The following COG5 variants were observed in gnomAD, a reference collection of about 807,000 sequenced individuals.
COG5 encodes conserved oligomeric Golgi complex subunit 5.
COG5 carries 86 observed loss-of-function variants against 110.4 expected under a neutral mutation model. The observed-to-expected ratio is 0.78, with a 90% CI of 0.65 to 0.93. COG5 has a LOEUF of 0.93. Among genes scored for constraint, COG5 ranks in the 40% least tolerant of loss-of-function variants. The pLI, the probability that COG5 is intolerant of heterozygous loss-of-function variation, is 0.00. For missense variants in COG5, 1,077 were observed against 987.0 expected (o/e 1.09, Z -1.22); for synonymous variants, 360 against 334.6 (o/e 1.08, Z -0.83).
intron 3 of COG5, among the ~76,000 whole-genome samples, 174 bp downstream of exon 3, chr7:107,554,111 A>G (rs1455544693): frequency 6.6e-6 from 1 of 152,204 alleles, no homozygotes; most frequent in African/African-American, 2.4e-5. Flanking sequence ...AGCCACACAC[A>G]TTTGTTTTCA....
intron 10 of COG5, among the ~76,000 whole-genome samples, chr7:107,356,289 T>A (rs1057018907): frequency 6.6e-6 from 1 of 152,252 alleles, no homozygotes; most frequent in Non-Finnish European, 1.5e-5. Context: ...AATATATTCT[T>A]AATTTTCCTA....
At chr7:107,239,076 A>C (rs1281212654) in intron 17 of COG5, among the ~76,000 whole-genome samples, 1 of 151,954 alleles carries the variant, frequency 6.6e-6, no homozygotes, top group African/African-American at 2.4e-5. Flanking sequence ...TGTTTTCTTA[A>C]ATTTGTTTTA....
chr7:107,219,665 T>C (rs995085747), intron 19 of COG5, among the ~76,000 whole-genome samples: 1 of 152,120 alleles, frequency 6.6e-6, no homozygotes, highest in African/African-American at 2.4e-5. Context: ...AGAATGGTAG[T>C]TACCAGAGGC....
intron 6 of COG5, among the ~76,000 whole-genome samples, chr7:107,507,836 C>G (rs554502444): frequency 6.6e-6 from 1 of 152,300 alleles, no homozygotes; most frequent in South Asian, 2.1e-4. Context: ...TAAACTACCC[C>G]TCTCTTCCAC....
At chr7:107,243,739 C>T (rs1247918907) in intron 17 of COG5, among the ~76,000 whole-genome samples, 1 of 152,128 alleles carries the variant, frequency 6.6e-6, no homozygotes, top group East Asian at 1.9e-4. Flanking sequence ...CACCACGTCA[C>T]ATACACTAAT....
intron 21 of COG5, chr7:107,208,908 C>T: frequency 3.0e-6 from 3 of 985,432 alleles, no homozygotes; most frequent in Non-Finnish European, 3.6e-6. Flanking sequence ...GAAATATGAC[C>T]CACTATGGCA....
At chr7:107,230,232 C>T (rs1430806593) in intron 19 of COG5, among the ~76,000 whole-genome samples, 1 of 152,096 alleles carries the variant, frequency 6.6e-6, no homozygotes, top group African/African-American at 2.4e-5. Flanking sequence ...CTGTTAGAAG[C>T]AGACTGGGTT....
In COG5 at chr7:107,547,440, T is replaced by G. The variant is rs111282162; in HGVS notation, c.417+671A>C. On this transcript the variant is annotated intron_variant, in intron 5 of 21. Coordinates refer to ENST00000297135, the MANE Select transcript of COG5 (RefSeq NM_006348.5). ...TAATCAACAGTGAAAAGTTGAAAGC[T>G]TTTCCTCTAAGATCAGGAACAAAAC... 6.6e-5 allele frequency among the ~76,000 whole-genome samples: 10 copies of G among 152,252 alleles called. 3 individuals carry two copies. The highest frequency in any genetic ancestry group is 2.4e-4 in the African/African-American group (10 of 41,546).
At chr7:107,387,835 T>A (rs1176867269) in intron 7 of COG5, among the ~76,000 whole-genome samples, 1 of 152,264 alleles carries the variant, frequency 6.6e-6, no homozygotes, top group African/African-American at 2.4e-5. Flanking sequence ...CTCAGCTTAC[T>A]CTGTTTATTT....
intron 5 of COG5, among the ~76,000 whole-genome samples, chr7:107,545,792 A>G (rs1373799161): frequency 6.6e-6 from 1 of 151,144 alleles, no homozygotes; most frequent in Non-Finnish European, 1.5e-5. Flanking sequence ...AAAAAAAAAA[A>G]AAAAAAAGAA....
At chr7:107,324,386 G>T in intron 11 of COG5, 54 bp downstream of exon 11, 2 of 1,169,542 alleles carry the variant, frequency 1.7e-6, no homozygotes, top group South Asian at 1.3e-5. Context: ...GACATCAAAT[G>T]ATAAAATAAC....
At chr7:107,407,877 T>C (rs929163986) in intron 7 of COG5, among the ~76,000 whole-genome samples, 24 of 152,280 alleles carry the variant, frequency 1.6e-4, no homozygotes, top group African/African-American at 4.8e-4. Context: ...TTTGGGGATG[T>C]AGCAAGATGG....
intron 1 of COG5, among the ~76,000 whole-genome samples, chr7:107,560,033 G>A (rs1246135950): frequency 6.6e-6 from 1 of 152,166 alleles, no homozygotes; most frequent in Non-Finnish European, 1.5e-5. Flanking sequence ...AATAATCCTG[G>A]CAGCTGTATA....
intron 19 of COG5, among the ~76,000 whole-genome samples, chr7:107,218,351 T>C (rs1799670179): frequency 6.6e-6 from 1 of 152,006 alleles, no homozygotes; most frequent in Non-Finnish European, 1.5e-5. Context: ...GAAAACATAA[T>C]CCTAAAATTC....
Position 107,283,634 on chromosome 7 carries a change from G to C in COG5, c.1412C>G (p.Pro471Arg). Residue 471 changes from proline (P) to arginine (R), a missense_variant, in exon 13 of 22, where the codon CCC becomes CGC. Coordinates refer to ENST00000297135, the MANE Select transcript of COG5 (RefSeq NM_006348.5). The stretch of plus-strand genomic sequence containing the variant: ...GGAAGGAGGATTACGACCACCCGGG[G>C]GAAAAACCAAGTTGATAGGATCGAA... ...RLFDPINLVF[P>R]PGGRNPPSSD... 1 of 1,613,896 alleles carries C rather than the reference G, an allele frequency of 6.2e-7. No individual in the cohort carries two copies. Among genetic ancestry groups the C allele is most frequent in the South Asian group, 1.1e-5 (1 of 91,078 alleles).
At chr7:107,227,821 A>G (rs1800466512) in intron 19 of COG5, among the ~76,000 whole-genome samples, 1 of 151,962 alleles carries the variant, frequency 6.6e-6, no homozygotes, top group South Asian at 2.1e-4. Flanking sequence ...TGATTCTCCC[A>G]CCTCAGCCTT....
chr7:107,482,193 G>A (rs1200482085), intron 6 of COG5, among the ~76,000 whole-genome samples: 2 of 151,550 alleles, frequency 1.3e-5, no homozygotes, highest in African/African-American at 4.9e-5. Context: ...CCAGGTTGGG[G>A]TGCAGTGGTA....
rs533387133 is a variant in COG5 at position 107,456,200 on chromosome 7, A to C, written c.539-43568T>G. 6.3e-4 allele frequency among the ~76,000 whole-genome samples: 96 copies of C among 152,332 alleles called. No individual in the cohort carries two copies. The South Asian group carries it at 0.019, about 31-fold the overall frequency. On this transcript the variant is annotated intron_variant, in intron 6 of 21. Coordinates refer to ENST00000297135, the MANE Select transcript of COG5 (RefSeq NM_006348.5). ...GAAACAAGGAGTAAAAAGTAAAACA[A>C]CCACCAAAGATTTTCAATAACTTTA...
rs111873197 is a variant in COG5 at position 107,532,314 on chromosome 7, C to T, written c.418-4957G>A. Among the ~76,000 whole-genome samples the T allele has an allele frequency of 6.6e-5, 10 of 152,226 alleles. 3 individuals are homozygous for T. The highest frequency in any genetic ancestry group is 2.4e-4 in the African/African-American group (10 of 41,522). The stretch of plus-strand genomic sequence containing the variant: ...TCATGTGATCCACCTGCCTTGGCCT[C>T]CCAAAGTGCTGGGATTATAGGAATG... On this transcript the variant is annotated intron_variant, in intron 5 of 21. Coordinates refer to ENST00000297135, the MANE Select transcript of COG5 (RefSeq NM_006348.5).
Sources: allele counts gnomAD v4.1 joint callset (sites outside exome capture counted in the v4.1 genomes callset), GRCh38; gene constraint gnomAD v4.1.1; transcripts MANE v1.5; gene names NCBI Gene and HGNC (gene_info 2026-07-23, HGNC 2026-07-21).